The following BNIP2 variants were observed in gnomAD, a reference collection of about 807,000 sequenced individuals.
The protein encoded by BNIP2 is BCL2 interacting protein 2.
A neutral mutation model predicts 43.4 loss-of-function variants in BNIP2; 36 were observed. The observed-to-expected ratio is 0.83, with a 90% CI of 0.64 to 1.10. BNIP2 has a LOEUF of 1.10. BNIP2 is among the 50% of genes least tolerant of loss of function. BNIP2 has a pLI of 0.00. For missense variants in BNIP2, 417 were observed against 374.1 expected, an observed-to-expected ratio of 1.11 and a Z score of -0.95; for synonymous variants, 146 against 121.0, an observed-to-expected ratio of 1.21 and a Z score of -1.35.
rs377372091 is a variant in BNIP2, at chr15:59,681,263, T to C, written c.51-955A>G. 7.2e-5 allele frequency among the ~76,000 whole-genome samples: 11 copies of C among 152,336 alleles called. No individual in the cohort carries two copies. In the East Asian group the frequency reaches 1.9e-3, roughly 27 times the overall value. ...ATGCACTAGGATGTCTTCTGACAAG[T>C]ACGGCACGGAAGCACTATTTAAACT... On this transcript the variant is annotated intron_variant, in intron 2 of 9. Coordinates refer to ENST00000607373, the MANE Select transcript of BNIP2 (RefSeq NM_004330.4).
At position 59,671,386 on chromosome 15, in the gene BNIP2, C is replaced by T. The variant is rs1892902154; in HGVS notation, c.576-72G>A. ...ACTGAACTAGGTTCTCTAAATTGTA[C>T]CATTATACAATTCCTTCCTCTCTCC... On this transcript the variant is annotated intron_variant, in intron 6 of 9. Coordinates refer to ENST00000607373, the MANE Select transcript of BNIP2 (RefSeq NM_004330.4). The T allele has an allele frequency of 1.2e-5, 16 of 1,327,490 alleles. No homozygotes were observed. In the South Asian group the frequency reaches 2.2e-4, roughly 18 times the overall value. 82.2% of individuals were successfully genotyped at this position (1,327,490 alleles called of 1,614,324 possible). A position where few individuals can be genotyped will look rare whatever the true frequency, so the allele number is the denominator to read the frequency against.
At position 59,671,974 on chromosome 15, in the gene BNIP2, G is replaced by A. The variant is rs1027856866; in HGVS notation, c.576-660C>T. ...GCCTGCAGTCCCAGCCACTAGGGAG[G>A]CTGAGGTAGGAGGATGGCTTGAGCC... On this transcript the variant is annotated intron_variant, in intron 6 of 9. Coordinates refer to ENST00000607373, the MANE Select transcript of BNIP2 (RefSeq NM_004330.4). Among the ~76,000 whole-genome samples, 13 of 152,312 alleles carry A rather than the reference G, an allele frequency of 8.5e-5. No individual in the cohort carries two copies. The Middle Eastern group carries it at 0.02, about 239-fold the overall frequency.
chr15:59,685,643 T>C (rs1159545171), intron 1 of BNIP2, among the ~76,000 whole-genome samples: 2 of 152,202 alleles, frequency 1.3e-5, no homozygotes, highest in Admixed American at 6.5e-5. Flanking sequence ...CCTCAGCACA[T>C]AGACATGGAT....
intron 4 of BNIP2, chr15:59,678,762 AG>A (rs1566972681): frequency 7.7e-7 from 1 of 1,293,432 alleles, no homozygotes; most frequent in South Asian, 1.3e-5. Context: ...AGATGGGGGG[AG>A]GGGGAAACCT....
At chr15:59,689,066 T>G in intron 1 of BNIP2, 69 bp downstream of exon 1, 1 of 1,477,750 alleles carries the variant, frequency 6.8e-7, no homozygotes, top group Non-Finnish European at 8.9e-7. Context: ...CCGACAGACT[T>G]TCGCCCCTAG....
intron 5 of BNIP2, chr15:59,676,975 C>T (rs1221384928): frequency 4.3e-6 from 7 of 1,613,514 alleles, no homozygotes; most frequent in Non-Finnish European, 5.9e-6. Flanking sequence ...TCATCACCCT[C>T]TTAGGTCTGC....
intron 4 of BNIP2, chr15:59,678,402 G>A: frequency 9.3e-7 from 1 of 1,079,176 alleles, no homozygotes; most frequent in Non-Finnish European, 1.1e-6. Flanking sequence ...GCCTTACAAT[G>A]CCTTTCCAGA....
At chr15:59,666,754 G>C (rs1291649629) in intron 9 of BNIP2, among the ~76,000 whole-genome samples, 2 of 151,250 alleles carry the variant, frequency 1.3e-5, no homozygotes, top group African/African-American at 4.9e-5. Flanking sequence ...TATTTTTTAA[G>C]ACTAAAGAAA....
At chr15:59,674,039 G>C (rs1188282662) in intron 5 of BNIP2, among the ~76,000 whole-genome samples, 1 of 144,284 alleles carries the variant, frequency 6.9e-6, no homozygotes, top group East Asian at 2.1e-4. Flanking sequence ...GCAGTGAGTC[G>C]AGACTGCACC....
intron 5 of BNIP2, 53 bp downstream of exon 5, chr15:59,677,858 A>C (rs1893404437): frequency 3.2e-6 from 5 of 1,548,928 alleles, no homozygotes; most frequent in Non-Finnish European, 4.3e-6. Flanking sequence ...TCCAAAAAAA[A>C]AAGAATTCTG....
At chr15:59,681,089 A>G (rs541730342) in intron 2 of BNIP2, among the ~76,000 whole-genome samples, 2 of 152,332 alleles carry the variant, frequency 1.3e-5, no homozygotes, top group East Asian at 3.9e-4. Flanking sequence ...ATGAAGCTCA[A>G]TTTTTACTCA....
At chr15:59,678,529 A>C (rs2142009252) in intron 4 of BNIP2, 1 of 1,075,088 alleles carries the variant, frequency 9.3e-7, no homozygotes, top group South Asian at 2.6e-5. Context: ...ACCAGATAGG[A>C]AGTGGTTAAC....
intron 1 of BNIP2, among the ~76,000 whole-genome samples, chr15:59,683,067 T>C (rs754207074): frequency 6.6e-6 from 1 of 152,274 alleles, no homozygotes; most frequent in Non-Finnish European, 1.5e-5. Context: ...AAATGAATTA[T>C]GCAATCTTTT....
At chr15:59,676,730 C>A in intron 5 of BNIP2, 1 of 1,179,130 alleles carries the variant, frequency 8.5e-7, no homozygotes, top group Non-Finnish European at 1.2e-6. Context: ...CCGCGCGGTG[C>A]GGTGCGGGCG....
Position 59,671,325 on chromosome 15 carries a change from CAAAT to C in BNIP2, c.576-15_576-12del. ...GTGCCAATAACATATCTGTAAAAAACAAATTAAGTTTAAGCCTTAAAAATCACTG... is the reference window on the plus strand; with the variant it reads ...GTGCCAATAACATATCTGTAAAAAACTAAGTTTAAGCCTTAAAAATCACTG... On this transcript the variant is annotated splice_polypyrimidine_tract_variant and intron_variant, in intron 6 of 9. Transcript: ENST00000607373. 6.3e-7 allele frequency: 1 copy of C among 1,575,114 alleles called. No individual in the cohort carries two copies. Among genetic ancestry groups the C allele is most frequent in the Non-Finnish European group, 8.6e-7 (1 of 1,158,848 alleles).
chr15:59,669,262 C>A lies in BNIP2; in HGVS notation c.794+14G>T. Reference sequence around the variant, plus strand: ...AAAAAAATAAAATTAAAGTCAATGGCTCTCAAAAATTACCTAATAAATGGT... The same window carrying A: ...AAAAAAATAAAATTAAAGTCAATGGATCTCAAAAATTACCTAATAAATGGT... On this transcript the variant is annotated intron_variant, in intron 8 of 9. Transcript: ENST00000607373. 6.6e-7 allele frequency: 1 copy of A among 1,505,928 alleles called. No homozygotes were observed. The highest frequency in any genetic ancestry group is 2.4e-5 in the Admixed American group (1 of 42,542). 93.3% of individuals were successfully genotyped at this position (1,505,928 alleles called of 1,614,324 possible). A position where few individuals can be genotyped will look rare whatever the true frequency, so the allele number is the denominator to read the frequency against.
intron 9 of BNIP2, among the ~76,000 whole-genome samples, chr15:59,667,141 A>G (rs1892615533): frequency 6.6e-6 from 1 of 152,224 alleles, no homozygotes; most frequent in Non-Finnish European, 1.5e-5. Flanking sequence ...TTTCTATGTT[A>G]AAGTGTTGGT....
chr15:59,672,781 C>T (rs1893016631), intron 5 of BNIP2, 42 bp from the exon 6 acceptor site: 2 of 1,477,146 alleles, frequency 1.4e-6, no homozygotes, highest in Admixed American at 1.8e-5. Flanking sequence ...CACGATTTTA[C>T]TCTTAGGCAT....
At chr15:59,683,571 C>A (rs1364893717) in intron 1 of BNIP2, among the ~76,000 whole-genome samples, 1 of 152,228 alleles carries the variant, frequency 6.6e-6, no homozygotes, top group Admixed American at 6.5e-5. Context: ...AATCCTAGCA[C>A]TTTGGGAGGC....
Sources: gnomAD v4.1 joint callset for allele counts (sites outside exome capture counted in the v4.1 genomes callset) on GRCh38, gnomAD v4.1.1 for gene constraint, MANE v1.5 for transcripts, NCBI Gene and HGNC (gene_info 2026-07-23, HGNC 2026-07-21) for gene names.